TPP2: variants seen among roughly 807,000 people sequenced by gnomAD.
TPP2 encodes the protein tripeptidyl peptidase 2, also known as tripeptidyl-peptidase 2.
A neutral mutation model predicts 155.9 loss-of-function variants in TPP2; 34 were observed. The observed-to-expected ratio is 0.22, with a 90% CI of 0.17 to 0.29. TPP2 has a LOEUF of 0.29. TPP2 is among the 10% of genes least tolerant of loss of function. The probability of loss-of-function intolerance (pLI) is 1.00; values close to 1 mark genes in which losing one functional copy is unlikely to be tolerated. For synonymous variants in TPP2, 510 were observed against 529.4 expected, an observed-to-expected ratio of 0.96 and a Z score of 0.50; for missense variants, 1,028 against 1,522.3, an observed-to-expected ratio of 0.68 and a Z score of 5.40.
chr13:102,603,239 G>A (rs771850678), intron 1 of TPP2, among the ~76,000 whole-genome samples: 9 of 152,176 alleles, frequency 5.9e-5, no homozygotes, highest in East Asian at 3.9e-4. Context: ...TAGGTAGTGG[G>A]TATATGTATG....
intron 27 of TPP2, among the ~76,000 whole-genome samples, chr13:102,669,706 T>A (rs4772497): frequency 0.088 from 13,416 of 152,140 alleles, 814 homozygotes; most frequent in African/African-American, 0.17. Context: ...TTGAAATCGT[T>A]TAGATAAATT....
chr13:102,663,053 G>T (rs757134905), intron 25 of TPP2, among the ~76,000 whole-genome samples: 32 of 151,788 alleles, frequency 2.1e-4, no homozygotes, highest in Admixed American at 7.2e-4. Flanking sequence ...ATGTAAGAAA[G>T]CTATTGATGC....
rs1443928964 is a variant in TPP2, at chr13:102,653,492, A to G, written c.2991+2095A>G. Among the ~76,000 whole-genome samples the G allele has an allele frequency of 2.0e-5, 3 of 152,264 alleles. No homozygotes were observed. In the East Asian group the frequency reaches 5.8e-4, roughly 29 times the overall value. ...ACTGTTGCCTCCAGCTCCTGGGCTCAAGTGATCCTCCCACCTCAGCCTCCC... is the reference window on the plus strand; with the variant it reads ...ACTGTTGCCTCCAGCTCCTGGGCTCGAGTGATCCTCCCACCTCAGCCTCCC... On this transcript the variant is annotated intron_variant, in intron 24 of 29. Transcript: ENST00000376052.
rs560810052 is a variant in TPP2 at position 102,605,810 on chromosome 13, G to A, written c.294+889G>A. Among the ~76,000 whole-genome samples the A allele has an allele frequency of 2.4e-4, 36 of 149,800 alleles. 1 individual carries two copies. Among genetic ancestry groups the A allele is most frequent in the African/African-American group, 7.9e-4 (32 of 40,618 alleles). On this transcript the variant is annotated intron_variant, in intron 2 of 29. Coordinates refer to ENST00000376052, the MANE Select transcript of TPP2 (RefSeq NM_001330588.2). ...GCAATCTTGGCTCACTGCAACCTCC[G>A]CCTCCCGGGTTCTAGCAATTCTCCT...
intron 8 of TPP2, 31 bp from the exon 9 acceptor site, chr13:102,629,451 T>G (rs1881868959): frequency 1.4e-6 from 2 of 1,459,610 alleles, no homozygotes; most frequent in African/African-American, 2.9e-5. Flanking sequence ...AGAGGCTGAT[T>G]ATATGTTCAA....
intron 6 of TPP2, among the ~76,000 whole-genome samples, chr13:102,624,852 C>CTTTTT (rs1029486604): frequency 5.3e-4 from 44 of 83,422 alleles, no homozygotes; most frequent in Non-Finnish European, 7.7e-4. Flanking sequence ...TTTTTTTTTC[C>CTTTTT]TTTTTTTTTT....
intron 25 of TPP2, among the ~76,000 whole-genome samples, chr13:102,662,884 T>C (rs1483864934): frequency 6.6e-6 from 1 of 152,136 alleles, no homozygotes; most frequent in African/African-American, 2.4e-5. Context: ...AATAACTCTT[T>C]ATTGACTCAA....
chr13:102,674,151 A>G (rs2139620838), intron 27 of TPP2, 132 bp from the exon 28 acceptor site: 1 of 904,084 alleles, frequency 1.1e-6, no homozygotes, highest in Non-Finnish European at 1.6e-6. Context: ...ATACAATTGT[A>G]CGTACCTGGA....
chr13:102,603,369 G>A (rs1444719717), intron 1 of TPP2, among the ~76,000 whole-genome samples: 1 of 152,154 alleles, frequency 6.6e-6, no homozygotes, highest in Non-Finnish European at 1.5e-5. Flanking sequence ...TGAAGGAAAT[G>A]AGGTACAGTG....
At chr13:102,653,376 A>G (rs2139561332) in intron 24 of TPP2, among the ~76,000 whole-genome samples, 1 of 152,120 alleles carries the variant, frequency 6.6e-6, no homozygotes, top group East Asian at 1.9e-4. Context: ...TGTAAAATGC[A>G]ATAATATATT....
chr13:102,663,336 C>T (rs1007585507), intron 25 of TPP2, among the ~76,000 whole-genome samples: 1 of 152,110 alleles, frequency 6.6e-6, no homozygotes, highest in South Asian at 2.1e-4. Context: ...TTAGTAGAGA[C>T]GGGGTTTCAC....
At chr13:102,615,955 C>CTTTTTT (rs34368820) in intron 3 of TPP2, among the ~76,000 whole-genome samples, 1 of 147,858 alleles carries the variant, frequency 6.8e-6, no homozygotes. Flanking sequence ...TCATTAGAAA[C>CTTTTTT]TTTTTTTTTT....
chr13:102,635,530 C>T (rs915924592), intron 11 of TPP2, 57 bp from the exon 12 acceptor site: 11 of 1,241,034 alleles, frequency 8.9e-6, no homozygotes, highest in South Asian at 6.1e-5. Flanking sequence ...TACTGGTGGG[C>T]GGCTAAGGTT....
chr13:102,598,851 G>A (rs1314038645), intron 1 of TPP2, among the ~76,000 whole-genome samples: 3 of 152,214 alleles, frequency 2.0e-5, no homozygotes, highest in Non-Finnish European at 4.4e-5. Context: ...TGTGAAAATT[G>A]ATTATAAGAG....
At chr13:102,641,193 T>C (rs547138670) in intron 16 of TPP2, among the ~76,000 whole-genome samples, 1 of 152,336 alleles carries the variant, frequency 6.6e-6, no homozygotes, top group Admixed American at 6.5e-5. Context: ...GCTGTGGGTG[T>C]ACCATATTTT....
intron 5 of TPP2, among the ~76,000 whole-genome samples, chr13:102,619,385 G>A (rs12427914): frequency 8.6e-5 from 13 of 151,610 alleles, no homozygotes; most frequent in Admixed American, 8.5e-4. Context: ...ATGAAAACAG[G>A]AAGACATTGT....
chr13:102,634,639 G>A lies in TPP2; in HGVS notation c.1393+541G>A, dbSNP rs57142217. Among the ~76,000 whole-genome samples, 817 of 152,052 alleles carry A rather than the reference G, an allele frequency of 5.4e-3. 6 individuals carry two copies. The highest frequency in any genetic ancestry group is 0.018 in the African/African-American group (743 of 41,454). Reference sequence around the variant, plus strand: ...CTCTCCTCTGCCTCCTTTCTTCCCCGCTTTTCTCACCCACACCACAGTTTC... The same window carrying A: ...CTCTCCTCTGCCTCCTTTCTTCCCCACTTTTCTCACCCACACCACAGTTTC... On this transcript the variant is annotated intron_variant, in intron 11 of 29. Coordinates refer to ENST00000376052, the MANE Select transcript of TPP2 (RefSeq NM_001330588.2).
rs1377779162 is a variant in TPP2, at chr13:102,627,109, C to T, written c.882C>T (p.Ile294=). 1 of 1,601,680 alleles carries T rather than the reference C, an allele frequency of 6.2e-7. No individual in the cohort carries two copies. The highest frequency in any genetic ancestry group is 8.5e-7 in the Non-Finnish European group (1 of 1,174,066). The change falls in exon 7 of 30, where the codon ATC becomes ATT. Residue 294 remains isoleucine, a synonymous_variant. Transcript: ENST00000376052. ...CTCCTGGTGCTCAAATTCTTTCCAT[C>T]AAGATTGGTGATACAAGACTAAGCA... ...GVAPGAQILS[I]KIGDTRLSTM...
chr13:102,657,725 G>T (rs1264073583), intron 25 of TPP2, among the ~76,000 whole-genome samples: 1 of 152,016 alleles, frequency 6.6e-6, no homozygotes, highest in Non-Finnish European at 1.5e-5. Context: ...TCTTCATGAT[G>T]CTGCGATAAA....
Sources: gnomAD v4.1 joint callset for allele counts (sites outside exome capture counted in the v4.1 genomes callset) on GRCh38, gnomAD v4.1.1 for gene constraint, MANE v1.5 for transcripts, NCBI Gene and HGNC (gene_info 2026-07-23, HGNC 2026-07-21) for gene names.